PPCDC: variants seen among roughly 807,000 people sequenced by gnomAD.
PPCDC encodes phosphopantothenoylcysteine decarboxylase.
A neutral mutation model predicts 20.7 loss-of-function variants in PPCDC; 20 were observed. The observed-to-expected ratio is 0.97, with a 90% CI of 0.68 to 1.41. PPCDC has a LOEUF of 1.41. Among genes scored for constraint, PPCDC ranks in the 40% most tolerant of loss-of-function variants. PPCDC has a pLI of 0.00. For synonymous variants in PPCDC, 88 were observed against 100.3 expected (o/e 0.88, Z 0.73); for missense variants, 246 against 263.8 (o/e 0.93, Z 0.47).
intron 2 of PPCDC, among the ~76,000 whole-genome samples, chr15:75,040,564 C>T (rs1354739098): frequency 6.6e-6 from 1 of 152,116 alleles, no homozygotes; most frequent in Non-Finnish European, 1.5e-5. Flanking sequence ...AATTTTAATA[C>T]AGAAGATGAG....
At position 75,043,516 on chromosome 15, in the gene PPCDC, A is replaced by G. The variant is rs941173588; in HGVS notation, c.211A>G (p.Ser71Gly). The change falls in exon 3 of 6, where the codon AGC becomes GGC. Residue 71 changes from serine (S) to glycine (G), a missense_variant. Around this residue, in one of 2 missense-constraint regions of PPCDC, gnomAD observed 225 missense variants for 222.6 expected, o/e 1.01. Coordinates refer to ENST00000342932, the MANE Select transcript of PPCDC (RefSeq NM_021823.5). ...SPQDIPVTLY[S>G]DADEWEIWKS... ...CCAGGACATTCCTGTCACCCTCTAC[A>G]GCGACGCTGATGAATGGGAGGTCAG... 1 of 1,610,720 alleles carries G rather than the reference A, an allele frequency of 6.2e-7. No individual in the cohort carries two copies. The highest frequency in any genetic ancestry group is 8.5e-7 in the Non-Finnish European group (1 of 1,178,432).
chr15:75,042,084 T>G (rs1427634606), intron 2 of PPCDC, among the ~76,000 whole-genome samples: 7 of 152,242 alleles, frequency 4.6e-5, no homozygotes, highest in African/African-American at 1.7e-4. Flanking sequence ...CTTGGACATG[T>G]TGGCTCAAAA....
chr15:75,040,628 T>C (rs2066141213), intron 2 of PPCDC, among the ~76,000 whole-genome samples: 1 of 152,126 alleles, frequency 6.6e-6, no homozygotes, highest in African/African-American at 2.4e-5. Flanking sequence ...CTATGCTGTC[T>C]TATTTAATGC....
At chr15:75,024,221 GC>G (rs1285741245) in intron 1 of PPCDC, among the ~76,000 whole-genome samples, 54 of 152,202 alleles carry the variant, frequency 3.5e-4, no homozygotes, top group Non-Finnish European at 2.8e-4. Flanking sequence ...TTGTCCTGGA[GC>G]AGGGGTTTCC....
chr15:75,043,363 C>A, intron 2 of PPCDC, 78 bp from the exon 3 acceptor site: 1 of 1,296,922 alleles, frequency 7.7e-7, no homozygotes, highest in Non-Finnish European at 1.1e-6. Context: ...TGCCCTGACC[C>A]TCCTGTGGCC....
intron 2 of PPCDC, among the ~76,000 whole-genome samples, chr15:75,040,807 C>T (rs1003279356): frequency 1.8e-4 from 27 of 152,170 alleles, no homozygotes; most frequent in African/African-American, 6.0e-4. Context: ...GGACTACAGG[C>T]GCACACCACC....
chr15:75,025,755 A>G (rs551713892), intron 1 of PPCDC, among the ~76,000 whole-genome samples: 4 of 152,312 alleles, frequency 2.6e-5, no homozygotes, highest in South Asian at 2.1e-4. Context: ...GGTGACTCCA[A>G]CAGGTTCTGG....
rs1439006649 is a variant in PPCDC, at chr15:75,049,454, C to G, written c.*219C>G. 5.4e-6 allele frequency: 3 copies of G among 557,750 alleles called. No individual in the cohort carries two copies. In the African/African-American group the frequency reaches 5.7e-5, roughly 11 times the overall value. 34.6% of individuals were successfully genotyped at this position (557,750 alleles called of 1,614,324 possible). On this transcript the variant is annotated 3_prime_UTR_variant, in exon 6 of 6. Transcript: ENST00000342932. ...GAGAGGCCGCTGCCTAGAGCCCCTC[C>G]CCACCTTTTCCTGGATGGGTGAGGC... is the stretch of plus-strand genomic sequence containing the variant.
rs1007009628 is a variant in PPCDC, at chr15:75,024,158, A to G, written c.-73+532A>G. Among the ~76,000 whole-genome samples, 10 of 152,268 alleles carry G rather than the reference A, an allele frequency of 6.6e-5. No homozygotes were observed. The South Asian group carries it at 1.0e-3, about 16-fold the overall frequency. On this transcript the variant is annotated intron_variant, in intron 1 of 5. Coordinates refer to ENST00000342932, the MANE Select transcript of PPCDC (RefSeq NM_021823.5). ...TTCCTGCTGTCCTTGAAGTATTTGG[A>G]AGCAGGTGCTAGATGGTGAGCAGGA...
At chr15:75,031,859 G>A (rs2066025416) in intron 2 of PPCDC, among the ~76,000 whole-genome samples, 1 of 152,162 alleles carries the variant, frequency 6.6e-6, no homozygotes, top group Non-Finnish European at 1.5e-5. Context: ...AGGGGCTTGG[G>A]GCTTCTGGGG....
chr15:75,040,383 TA>T (rs1453505775), intron 2 of PPCDC, among the ~76,000 whole-genome samples: 2 of 152,130 alleles, frequency 1.3e-5, no homozygotes, highest in African/African-American at 2.4e-5. Context: ...TAGATCGTTT[TA>T]AAAAAAATTA....
rs77807962 is a variant in PPCDC, at chr15:75,044,919, A to G, written c.360+405A>G. 132 of 200,874 alleles carry G rather than the reference A, an allele frequency of 6.6e-4. 2 individuals are homozygous for G. The East Asian group carries it at 0.016, about 24-fold the overall frequency. 12.4% of individuals were successfully genotyped at this position (200,874 alleles called of 1,614,324 possible). A position where few individuals can be genotyped will look rare whatever the true frequency, so the allele number is the denominator to read the frequency against. On this transcript the variant is annotated intron_variant, in intron 4 of 5. Coordinates refer to ENST00000342932, the MANE Select transcript of PPCDC (RefSeq NM_021823.5). ...CGCAGATCTGGGTATACACGTGGGC[A>G]ATGTAATTGGGGGTTCACTTCTTCA...
chr15:75,047,043 C>T (rs977414313), intron 4 of PPCDC, among the ~76,000 whole-genome samples: 1 of 152,218 alleles, frequency 6.6e-6, no homozygotes, highest in African/African-American at 2.4e-5. Flanking sequence ...CCGTGGGAAC[C>T]GAGGCTCTCT....
chr15:75,042,609 T>C (rs1307139188), intron 2 of PPCDC, among the ~76,000 whole-genome samples: 1 of 133,672 alleles, frequency 7.5e-6, no homozygotes, highest in Non-Finnish European at 1.5e-5. Flanking sequence ...GCCGAGATCA[T>C]ACCACTGCAC....
In PPCDC at chr15:75,049,169, A is replaced by C. The variant is rs1400346166; in HGVS notation, c.549A>C (p.Glu183Asp). The C allele has an allele frequency of 1.2e-6, 2 of 1,614,086 alleles. No homozygotes were observed. The highest frequency in any genetic ancestry group is 2.2e-5 in the East Asian group (1 of 44,892). ...CGDEGLGAMAEVGTIVDKVKE... is the reference protein window; with the variant it reads ...CGDEGLGAMADVGTIVDKVKE... ...TCCCAGGTCTCGGGGCCATGGCTGA[A>C]GTGGGGACCATCGTGGACAAAGTGA... Residue 183 changes from glutamate (E) to aspartate (D), a missense_variant, in exon 6 of 6, where the codon GAA becomes GAC. This residue lies in a region of PPCDC where 21 missense variants were observed against 41.2 expected (regional missense o/e 0.51). Coordinates refer to ENST00000342932, the MANE Select transcript of PPCDC (RefSeq NM_021823.5).
intron 2 of PPCDC, among the ~76,000 whole-genome samples, chr15:75,038,864 T>G (rs2066116457): frequency 6.6e-6 from 1 of 151,842 alleles, no homozygotes; most frequent in Non-Finnish European, 1.5e-5. Flanking sequence ...ATCCGTTTCT[T>G]TATCTTTTTT....
At chr15:75,047,430 C>T (rs181367672) in intron 4 of PPCDC, among the ~76,000 whole-genome samples, 267 of 152,316 alleles carry the variant, frequency 1.8e-3, no homozygotes, top group African/African-American at 6.2e-3. Context: ...CCTGTCCTGT[C>T]GGGGCATTGT....
intron 2 of PPCDC, 134 bp from the exon 3 acceptor site, chr15:75,043,307 G>A: frequency 1.5e-6 from 1 of 677,804 alleles, no homozygotes. Context: ...TTGCAGCTAA[G>A]GAGGGAAGTC....
intron 1 of PPCDC, among the ~76,000 whole-genome samples, chr15:75,024,972 G>A (rs1402186585): frequency 6.6e-6 from 1 of 151,290 alleles, no homozygotes; most frequent in African/African-American, 2.4e-5. Context: ...CACCCAGGCT[G>A]GAGTGCAGTG....
Sources: gnomAD v4.1 joint callset for allele counts (sites outside exome capture counted in the v4.1 genomes callset) on GRCh38, gnomAD v4.1.1 for gene constraint, gnomAD v4.1.1 regional missense constraint, MANE v1.5 for transcripts, NCBI Gene and HGNC (gene_info 2026-07-23, HGNC 2026-07-21) for gene names.